VWC2L: variants seen among roughly 807,000 people sequenced by gnomAD.
VWC2L encodes von Willebrand factor C domain-containing protein 2-like.
Under a neutral mutation model 21.6 loss-of-function variants are expected in VWC2L, and 10 were observed. That is an observed-to-expected ratio of 0.46 (90% CI 0.29 to 0.78). VWC2L has a LOEUF of 0.78. VWC2L is among the 30% of genes least tolerant of loss of function. VWC2L has a pLI of 0.10. For synonymous variants in VWC2L, 96 were observed against 94.3 expected, an observed-to-expected ratio of 1.02 and a Z score of -0.10; for missense variants, 209 against 277.1, an observed-to-expected ratio of 0.75 and a Z score of 1.74.
intron 3 of VWC2L, among the ~76,000 whole-genome samples, chr2:214,575,034 T>TAAAAAA (rs3046806): frequency 8.4e-6 from 1 of 118,458 alleles, no homozygotes; most frequent in African/African-American, 3.1e-5. Flanking sequence ...GGTCATTCTT[T>TAAAAAA]AAAAAAAAAA....
At chr2:214,472,759 T>C (rs1262165981) in intron 3 of VWC2L, among the ~76,000 whole-genome samples, 1 of 152,200 alleles carries the variant, frequency 6.6e-6, no homozygotes, top group African/African-American at 2.4e-5. Flanking sequence ...TGAAATTCTT[T>C]GGTACTTTTA....
chr2:214,558,697 C>T lies in VWC2L; in HGVS notation c.521-16975C>T, dbSNP rs185541646. On this transcript the variant is annotated intron_variant, in intron 3 of 3. Transcript: ENST00000312504. ...CTACTTCTAGCAACACAGCCCCTGCCTCTGCAACAACTCATTATCCACATT... is the reference window on the plus strand; with the variant it reads ...CTACTTCTAGCAACACAGCCCCTGCTTCTGCAACAACTCATTATCCACATT... Among the ~76,000 whole-genome samples the T allele has an allele frequency of 1.7e-3, 255 of 152,238 alleles. 1 individual carries two copies. The highest frequency in any genetic ancestry group is 5.9e-3 in the African/African-American group (244 of 41,540).
In VWC2L at chr2:214,463,643, A is replaced by G. The variant is rs188331520; in HGVS notation, c.520+26885A>G. 3.0e-3 allele frequency among the ~76,000 whole-genome samples: 460 copies of G among 152,254 alleles called. 3 individuals carry two copies. The highest frequency in any genetic ancestry group is 0.011 in the African/African-American group (438 of 41,562). ...CATTCTTTTTCATTTTAAAAAATTA[A>G]CTGAATATTGTATGATTCTATATTT... On this transcript the variant is annotated intron_variant, in intron 3 of 3. Transcript: ENST00000312504.
At position 214,443,679 on chromosome 2, in the gene VWC2L, T is replaced by C. The variant is rs370329059; in HGVS notation, c.520+6921T>C. On this transcript the variant is annotated intron_variant, in intron 3 of 3. Transcript: ENST00000312504. ...AAGACTGAAGTGGACAATTTTTACATGATAAAAATATATCTACCTCAGCCT... is the reference window on the plus strand; with the variant it reads ...AAGACTGAAGTGGACAATTTTTACACGATAAAAATATATCTACCTCAGCCT... 3.3e-5 allele frequency among the ~76,000 whole-genome samples: 5 copies of C among 152,288 alleles called. No homozygotes were observed. The East Asian group carries it at 9.7e-4, about 29-fold the overall frequency.
intron 3 of VWC2L, among the ~76,000 whole-genome samples, chr2:214,455,031 GT>G (rs1703035447): frequency 6.6e-6 from 1 of 152,072 alleles, no homozygotes; most frequent in African/African-American, 2.4e-5. Flanking sequence ...GCATATTATA[GT>G]TTTCTTTTCT....
At chr2:214,534,209 C>T (rs181230104) in intron 3 of VWC2L, 157 of 152,680 alleles carry the variant, frequency 1.0e-3, no homozygotes, top group African/African-American at 3.6e-3. Flanking sequence ...ACACATCACT[C>T]ACTGTACCAG....
chr2:214,433,505 C>G (rs1702634130), intron 2 of VWC2L, among the ~76,000 whole-genome samples: 1 of 152,070 alleles, frequency 6.6e-6, no homozygotes, highest in African/African-American at 2.4e-5. Context: ...TAGCTTTATT[C>G]TTTAAACTTT....
At chr2:214,567,595 C>CACACACACAGAG (rs1553602423) in intron 3 of VWC2L, among the ~76,000 whole-genome samples, 5 of 135,404 alleles carry the variant, frequency 3.7e-5, no homozygotes, top group African/African-American at 1.2e-4. Context: ...CACACACACA[C>CACACACACAGAG]AGAGAGAGAG....
intron 3 of VWC2L, among the ~76,000 whole-genome samples, chr2:214,501,660 T>G (rs1291004076): frequency 1.4e-5 from 2 of 142,212 alleles, no homozygotes; most frequent in Non-Finnish European, 3.0e-5. Context: ...AGGCGGAGGT[T>G]GCCATGAGCT....
At chr2:214,484,992 G>C (rs1335516536) in intron 3 of VWC2L, among the ~76,000 whole-genome samples, 1 of 152,128 alleles carries the variant, frequency 6.6e-6, no homozygotes, top group Non-Finnish European at 1.5e-5. Context: ...TTGAAACTGA[G>C]ACGTGAAGAA....
intron 3 of VWC2L, among the ~76,000 whole-genome samples, chr2:214,561,286 TCATTACACCTGG>T (rs934678403): frequency 6.6e-6 from 1 of 152,152 alleles, no homozygotes; most frequent in African/African-American, 2.4e-5. Context: ...ATGCCCTTGT[TCATTACACCTGG>T]CATTCCTCCC....
chr2:214,549,727 C>T (rs1219478414), intron 3 of VWC2L, among the ~76,000 whole-genome samples: 7 of 152,188 alleles, frequency 4.6e-5, no homozygotes, highest in African/African-American at 9.7e-5. Flanking sequence ...GAGCCGAGAT[C>T]GTGCCACTGC....
intron 3 of VWC2L, among the ~76,000 whole-genome samples, chr2:214,438,220 A>G (rs754563911): frequency 1.3e-5 from 2 of 152,064 alleles, no homozygotes; most frequent in Non-Finnish European, 2.9e-5. Context: ...TTTGTCCTAG[A>G]GAAGAAAGGC....
chr2:214,475,283 A>G (rs1213197278), intron 3 of VWC2L, among the ~76,000 whole-genome samples: 1 of 152,176 alleles, frequency 6.6e-6, no homozygotes, highest in Non-Finnish European at 1.5e-5. Context: ...CTGGGCAAGG[A>G]ACAAAGGTAA....
intron 3 of VWC2L, among the ~76,000 whole-genome samples, chr2:214,481,976 G>T (rs1251928520): frequency 6.6e-6 from 1 of 152,202 alleles, no homozygotes. Context: ...TGCAATTAAC[G>T]GAGAAAATAA....
rs56085205 is a variant in VWC2L at position 214,499,009 on chromosome 2, C to CTTTTTTTTTTTTTTT, written c.520+62266_520+62280dup. Among the ~76,000 whole-genome samples the CTTTTTTTTTTTTTTT allele has an allele frequency of 2.6e-4, 22 of 83,420 alleles. 1 individual carries two copies. Among genetic ancestry groups the CTTTTTTTTTTTTTTT allele is most frequent in the African/African-American group, 1.2e-3 (20 of 16,472 alleles). 54.7% of individuals were successfully genotyped at this position (83,420 alleles called of 152,430 possible). A position where few individuals can be genotyped will look rare whatever the true frequency, so the allele number is the denominator to read the frequency against. On this transcript the variant is annotated intron_variant, in intron 3 of 3. Coordinates refer to ENST00000312504, the MANE Select transcript of VWC2L (RefSeq NM_001080500.4). ...CTTCTGAGGCTTATATCGTACCATT[C>CTTTTTTTTTTTTTTT]TTTTTTTTTTTTTTTTTTTTTTTTT...
intron 2 of VWC2L, among the ~76,000 whole-genome samples, chr2:214,417,391 AATAT>A (rs1702372745): frequency 6.6e-6 from 1 of 152,230 alleles, no homozygotes; most frequent in Non-Finnish European, 1.5e-5. Context: ...ATGAAATCCC[AATAT>A]AACTCCCAAG....
At position 214,524,803 on chromosome 2, in the gene VWC2L, T is replaced by A. The variant is rs1689302168; in HGVS notation, c.521-50869T>A. The stretch of plus-strand genomic sequence containing the variant: ...TCACAACTTATTTAAAAGAATCAGA[T>A]CATTTGACTATCACACCAAATATAT... On this transcript the variant is annotated intron_variant, in intron 3 of 3. Transcript: ENST00000312504. 3.3e-5 allele frequency among the ~76,000 whole-genome samples: 5 copies of A among 152,310 alleles called. No homozygotes were observed. In the South Asian group the frequency reaches 1.0e-3, roughly 32 times the overall value.
chr2:214,549,795 CAA>C (rs1294849279), intron 3 of VWC2L, among the ~76,000 whole-genome samples: 2 of 152,112 alleles, frequency 1.3e-5, no homozygotes, highest in Non-Finnish European at 2.9e-5. Context: ...ATACAAAAAA[CAA>C]AAAAGTTGGC....
Sources: gnomAD v4.1 joint callset for allele counts (sites outside exome capture counted in the v4.1 genomes callset) on GRCh38, gnomAD v4.1.1 for gene constraint, MANE v1.5 for transcripts, NCBI Gene and HGNC (gene_info 2026-07-23, HGNC 2026-07-21) for gene names.